The following VPS13B variants were observed in gnomAD, a reference collection of about 807,000 sequenced individuals.
VPS13B encodes intermembrane lipid transfer protein VPS13B.
Under a neutral mutation model 426.4 loss-of-function variants are expected in VPS13B, and 285 were observed. That is an observed-to-expected ratio of 0.67 (90% CI 0.61 to 0.74). The LOEUF is 0.74. Ranked by LOEUF, VPS13B falls within the 30% of genes least tolerant of loss-of-function variation. The pLI is 0.00. For missense variants in VPS13B, 4,537 were observed against 4,782.6 expected, an observed-to-expected ratio of 0.95 and a Z score of 1.51; for synonymous variants, 1,676 against 1,676.4, an observed-to-expected ratio of 1.00 and a Z score of 0.01.
rs1477799395 is a variant in VPS13B at position 99,696,951 on chromosome 8, G to A, written c.6047-2574G>A. Reference sequence around the variant, plus strand: ...ATGATAAGCTGATTGCTGAGGAGGGGTGGACAACCTGAACGTCAAGGGGCT... The same window carrying A: ...ATGATAAGCTGATTGCTGAGGAGGGATGGACAACCTGAACGTCAAGGGGCT... On this transcript the variant is annotated intron_variant, in intron 35 of 61. Coordinates refer to ENST00000357162, the MANE Select transcript of VPS13B (RefSeq NM_152564.5). 37 of 673,562 alleles carry A rather than the reference G, an allele frequency of 5.5e-5. No individual in the cohort carries two copies. In the East Asian group the frequency reaches 9.6e-4, roughly 17 times the overall value. The allele number at this position is 673,562 out of a possible 1,614,324, so 41.7% of individuals were successfully genotyped here.
At chr8:99,374,011 T>G (rs1479049874) in intron 19 of VPS13B, among the ~76,000 whole-genome samples, 1 of 152,230 alleles carries the variant, frequency 6.6e-6, no homozygotes, top group African/African-American at 2.4e-5. Context: ...CTATCATTTT[T>G]ATTTTGTCTT....
At chr8:99,824,004 G>A in intron 51 of VPS13B, 26 bp downstream of exon 51, 1 of 1,608,194 alleles carries the variant, frequency 6.2e-7, no homozygotes, top group South Asian at 1.1e-5. Flanking sequence ...CGATTCTTTT[G>A]TCTAAGTTTT....
At chr8:99,406,348 T>A (rs1815331603) in intron 21 of VPS13B, among the ~76,000 whole-genome samples, 1 of 152,206 alleles carries the variant, frequency 6.6e-6, no homozygotes, top group Non-Finnish European at 1.5e-5. Context: ...TATTAAATAC[T>A]TGTTGCATGA....
intron 31 of VPS13B, among the ~76,000 whole-genome samples, chr8:99,568,489 C>T (rs992459308): frequency 6.6e-6 from 1 of 151,636 alleles, no homozygotes; most frequent in African/African-American, 2.4e-5. Flanking sequence ...TGGGGTTTTA[C>T]CATGTTGGCC....
At chr8:99,473,631 C>G (rs911031887) in intron 24 of VPS13B, among the ~76,000 whole-genome samples, 26 of 152,254 alleles carry the variant, frequency 1.7e-4, no homozygotes, top group Admixed American at 4.6e-4. Context: ...GCTTTCAATT[C>G]TATTCTGTAT....
At chr8:99,604,572 T>G (rs1827483867) in intron 33 of VPS13B, among the ~76,000 whole-genome samples, 1 of 144,426 alleles carries the variant, frequency 6.9e-6, no homozygotes, top group Non-Finnish European at 1.5e-5. Flanking sequence ...TGATCCCAGC[T>G]CACTGCAAGC....
chr8:99,724,889 A>G (rs1334549892), intron 39 of VPS13B, among the ~76,000 whole-genome samples: 1 of 152,182 alleles, frequency 6.6e-6, no homozygotes, highest in African/African-American at 2.4e-5. Flanking sequence ...AGAGCCCGGC[A>G]TAAACTGCCC....
chr8:99,652,502 G>GT (rs2129663245), intron 34 of VPS13B, among the ~76,000 whole-genome samples: 2 of 151,594 alleles, frequency 1.3e-5, no homozygotes, highest in South Asian at 4.2e-4. Flanking sequence ...TCATTTCAAT[G>GT]TAATTCTAGC....
At chr8:99,433,520 C>G (rs757846254) in intron 22 of VPS13B, among the ~76,000 whole-genome samples, 1 of 152,042 alleles carries the variant, frequency 6.6e-6, no homozygotes, top group Non-Finnish European at 1.5e-5. Context: ...ATAGAATTCT[C>G]TAGTCAGCAA....
At chr8:99,775,674 G>T (rs1214279356) in intron 40 of VPS13B, among the ~76,000 whole-genome samples, 1 of 152,148 alleles carries the variant, frequency 6.6e-6, no homozygotes, top group African/African-American at 2.4e-5. Flanking sequence ...AAGGCGGGTG[G>T]ATCACTTGGG....
chr8:99,114,688 C>T (rs1036704124), intron 6 of VPS13B, among the ~76,000 whole-genome samples: 3 of 152,174 alleles, frequency 2.0e-5, no homozygotes, highest in Non-Finnish European at 4.4e-5. Flanking sequence ...AGCTTGTGCT[C>T]ATATTTGAAA....
At position 99,143,094 on chromosome 8, in the gene VPS13B, T is replaced by C. The variant is rs753616467; in HGVS notation, c.1772T>C (p.Val591Ala). Residue 591 changes from valine (V) to alanine (A), a missense_variant, in exon 13 of 62, where the codon GTG becomes GCG. Transcript: ENST00000357162. ...GATTTTCGTTTGGATAGCAGTGCGG[T>C]GCATAGGATTTTGAAAATGATTGTG... is the stretch of plus-strand genomic sequence containing the variant. ...PLDFRLDSSA[V>A]HRILKMIVCA... The C allele has an allele frequency of 1.9e-6, 3 of 1,613,938 alleles. No homozygotes were observed. Among genetic ancestry groups the C allele is most frequent in the East Asian group, 2.2e-5 (1 of 44,854 alleles).
intron 2 of VPS13B, among the ~76,000 whole-genome samples, chr8:99,025,160 C>T (rs1384516768): frequency 6.6e-6 from 1 of 152,030 alleles, no homozygotes; most frequent in East Asian, 1.9e-4. Flanking sequence ...CTGAATTTAT[C>T]AGTTCTAAGA....
chr8:99,177,595 T>C (rs997271916), intron 16 of VPS13B, among the ~76,000 whole-genome samples: 6 of 152,212 alleles, frequency 3.9e-5, no homozygotes, highest in African/African-American at 1.4e-4. Flanking sequence ...ACAGAAAGTT[T>C]CCTTTGATTG....
At chr8:99,754,590 G>A (rs1810549080) in intron 39 of VPS13B, among the ~76,000 whole-genome samples, 3 of 152,072 alleles carry the variant, frequency 2.0e-5, no homozygotes, top group African/African-American at 7.2e-5. Context: ...CACTGAACAT[G>A]TCTATTTCAT....
intron 33 of VPS13B, among the ~76,000 whole-genome samples, chr8:99,606,854 C>T (rs781733331): frequency 1.3e-5 from 2 of 152,100 alleles, no homozygotes; most frequent in East Asian, 1.9e-4. Context: ...CCTTCATCTT[C>T]GATGCCAACA....
chr8:99,624,620 GGAAGCTATATT>G (rs1202917801), intron 33 of VPS13B, among the ~76,000 whole-genome samples: 1 of 152,070 alleles, frequency 6.6e-6, no homozygotes, highest in Non-Finnish European at 1.5e-5. Flanking sequence ...ACAGTGTTAA[GGAAGCTATATT>G]TCATCATTGT....
chr8:99,379,280 G>T (rs1254593021), intron 19 of VPS13B, among the ~76,000 whole-genome samples: 1 of 152,176 alleles, frequency 6.6e-6, no homozygotes, highest in African/African-American at 2.4e-5. Context: ...GTCTTCACAA[G>T]AAAGTCTAAG....
intron 22 of VPS13B, among the ~76,000 whole-genome samples, chr8:99,438,218 G>T (rs1198254313): frequency 6.6e-6 from 1 of 151,764 alleles, no homozygotes; most frequent in Non-Finnish European, 1.5e-5. Flanking sequence ...TGTCAGTCAG[G>T]GTGTCTCAAG....
Sources: gnomAD v4.1 joint callset for allele counts (sites outside exome capture counted in the v4.1 genomes callset) on GRCh38, gnomAD v4.1.1 for gene constraint, MANE v1.5 for transcripts, NCBI Gene and HGNC (gene_info 2026-07-23, HGNC 2026-07-21) for gene names.